The following RAP1GAP variants were observed in gnomAD, a reference collection of about 807,000 sequenced individuals.
RAP1GAP encodes the protein RAP1 GTPase activating protein.
RAP1GAP carries 35 observed loss-of-function variants against 87.2 expected under a neutral mutation model. The observed-to-expected ratio is 0.40, with a 90% CI of 0.31 to 0.53. The LOEUF (loss-of-function observed/expected upper bound fraction) is 0.53. Ranked by LOEUF, RAP1GAP falls within the 20% of genes least tolerant of loss-of-function variation. The pLI is 0.48. For synonymous variants in RAP1GAP, 375 were observed against 363.9 expected (o/e 1.03, Z -0.35); for missense variants, 734 against 898.9 (o/e 0.82, Z 2.35).
rs889053138 is a variant in RAP1GAP, at chr1:21,651,920, G to T, written c.-148-2124C>A. On this transcript the variant is annotated intron_variant, in intron 1 of 24. Coordinates refer to ENST00000374765, the MANE Select transcript of RAP1GAP (RefSeq NM_002885.4). ...ACGCGGCCGCCCCGCCCCCGCCCCCGCCCCAGCTCGGATACGTCCGCGCCC... is the reference window on the plus strand; with the variant it reads ...ACGCGGCCGCCCCGCCCCCGCCCCCTCCCCAGCTCGGATACGTCCGCGCCC... 1.8e-5 allele frequency: 17 copies of T among 948,074 alleles called. No homozygotes were observed. In the African/African-American group the frequency reaches 2.7e-4, roughly 15 times the overall value. The allele number at this position is 948,074 out of a possible 1,614,324, so 58.7% of individuals were successfully genotyped here. A position where few individuals can be genotyped will look rare whatever the true frequency, so the allele number is the denominator to read the frequency against.
At chr1:21,666,857 C>T (rs983102980) in intron 1 of RAP1GAP, among the ~76,000 whole-genome samples, 1 of 152,148 alleles carries the variant, frequency 6.6e-6, no homozygotes, top group African/African-American at 2.4e-5. Context: ...TGGAGGCAGA[C>T]GACAGAAGAC....
chr1:21,646,101 T>C (rs2151724296), intron 2 of RAP1GAP, among the ~76,000 whole-genome samples: 1 of 152,272 alleles, frequency 6.6e-6, no homozygotes, highest in Non-Finnish European at 1.5e-5. Context: ...CAAACAGTCA[T>C]CTGTAAGGCT....
chr1:21,623,231 A>G (rs72876053), intron 3 of RAP1GAP, among the ~76,000 whole-genome samples: 22,872 of 152,178 alleles, frequency 0.15, 1,934 homozygotes, highest in East Asian at 0.35. Flanking sequence ...AGATTTTGGG[A>G]CATGTGGATT....
Position 21,669,114 on chromosome 1 carries a change from G to T in RAP1GAP, c.-149+140C>A. 3 of 946,548 alleles carry T rather than the reference G, an allele frequency of 3.2e-6. No homozygotes were observed. Among genetic ancestry groups the T allele is most frequent in the South Asian group, 1.8e-5 (1 of 56,090 alleles). The allele number at this position is 946,548 out of a possible 1,614,324, so 58.6% of individuals were successfully genotyped here. On this transcript the variant is annotated intron_variant, in intron 1 of 24. Transcript: ENST00000374765. This position sits in a 1 kb window ranked among gnomAD's most constrained non-coding sequence, Gnocchi z 5.6. ...GCTGCGCCCACCCCTCGCCCCTGGA[G>T]ACCCGGGTCCCCCACGCGTTCGCCC... is the stretch of plus-strand genomic sequence containing the variant.
At chr1:21,605,193 A>T (rs1036063209) in intron 18 of RAP1GAP, among the ~76,000 whole-genome samples, 3 of 152,162 alleles carry the variant, frequency 2.0e-5, no homozygotes, top group African/African-American at 7.2e-5. Flanking sequence ...AGCACTCCTG[A>T]GTGTGAGCAG....
At chr1:21,614,702 C>T (rs924600727) in intron 7 of RAP1GAP, among the ~76,000 whole-genome samples, 10 of 152,166 alleles carry the variant, frequency 6.6e-5, no homozygotes, top group South Asian at 4.1e-4. Context: ...GGGGTGGCTG[C>T]GGCAGGGATG....
intron 3 of RAP1GAP, among the ~76,000 whole-genome samples, chr1:21,624,952 C>T (rs2091268225): frequency 6.6e-6 from 1 of 152,180 alleles, no homozygotes; most frequent in Non-Finnish European, 1.5e-5. Flanking sequence ...TCCTGAGATG[C>T]TCAGGGGAAG....
intron 2 of RAP1GAP, among the ~76,000 whole-genome samples, chr1:21,636,920 G>A (rs2094797545): frequency 7.9e-6 from 1 of 127,142 alleles, no homozygotes; most frequent in African/African-American, 3.3e-5. Flanking sequence ...AAGGAAGGGA[G>A]GGAGGGAGGG....
chr1:21,602,826 T>A lies in RAP1GAP; in HGVS notation c.1516A>T (p.Ile506Leu), dbSNP rs1392062838. The A allele has an allele frequency of 1.1e-5, 18 of 1,609,752 alleles. No homozygotes were observed. Among genetic ancestry groups the A allele is most frequent in the Non-Finnish European group, 1.4e-5 (17 of 1,179,608 alleles). Residue 506 changes from isoleucine (I) to leucine (L), a missense_variant, in exon 19 of 25, where the codon ATA (isoleucine) becomes TTA (leucine). Coordinates refer to ENST00000374765, the MANE Select transcript of RAP1GAP (RefSeq NM_002885.4). Reference protein sequence around the residue: ...RRSSAIGIENIQEVQEKRESP... With the variant: ...RRSSAIGIENLQEVQEKRESP... The stretch of plus-strand genomic sequence containing the variant: ...CACCTCTTCTCCTGCACCTCCTGTA[T>A]GTTCTCGATGCCAATGGCGCTGCTG...
Position 21,597,126 on chromosome 1 carries a change from G to A in RAP1GAP, c.*173C>T, listed in dbSNP as rs1393465853. ...CAGGTCTGGACGGCTCTGCCCTGCA[G>A]AGACAGCCCAGATGGGTGGGCCATG... On this transcript the variant is annotated 3_prime_UTR_variant, in exon 25 of 25. Coordinates refer to ENST00000374765, the MANE Select transcript of RAP1GAP (RefSeq NM_002885.4). The A allele has an allele frequency of 6.7e-6, 1 of 150,204 alleles. No homozygotes were observed. 9.3% of individuals were successfully genotyped at this position (150,204 alleles called of 1,614,324 possible).
Position 21,617,946 on chromosome 1 carries a change from C to G in RAP1GAP, c.93G>C (p.Pro31=). Residue 31 remains proline (P), a synonymous_variant, in exon 6 of 25, where the codon CCG becomes CCC. Transcript: ENST00000374765. ...LKTEEDYIPY[P]SVHEVLGREG... ...TCTAGCTGAGTACCTCGTGCACGCT[C>G]GGGTATGGAATGTAGTCCTCCTCTG... 1 of 1,614,116 alleles carries G rather than the reference C, an allele frequency of 6.2e-7. No homozygotes were observed.
rs1402809746 is a variant in RAP1GAP, at chr1:21,615,055, G to A, written c.292-966C>T. Reference sequence around the variant, plus strand: ...CCCAGCTCTGCCTGGGCACAGAGTGGCAGAAACCCCCAAATGCTTGACATC... The same window carrying A: ...CCCAGCTCTGCCTGGGCACAGAGTGACAGAAACCCCCAAATGCTTGACATC... On this transcript the variant is annotated intron_variant, in intron 7 of 24. Transcript: ENST00000374765. This position sits in a 1 kb window ranked among gnomAD's most constrained non-coding sequence, Gnocchi z 4.5. 6.6e-6 allele frequency among the ~76,000 whole-genome samples: 1 copy of A among 152,234 alleles called. No individual in the cohort carries two copies. The highest frequency in any genetic ancestry group is 2.4e-5 in the African/African-American group (1 of 41,464).
chr1:21,660,638 C>T lies in RAP1GAP; in HGVS notation c.-149+8616G>A, dbSNP rs192569907. On this transcript the variant is annotated intron_variant, in intron 1 of 24. Coordinates refer to ENST00000374765, the MANE Select transcript of RAP1GAP (RefSeq NM_002885.4). ...CAAGAGCCACTGCACCCAGCCCCGACTCAGTCTTGAGCTGTGACCGTCAGC... is the reference window on the plus strand; with the variant it reads ...CAAGAGCCACTGCACCCAGCCCCGATTCAGTCTTGAGCTGTGACCGTCAGC... Among the ~76,000 whole-genome samples the T allele has an allele frequency of 2.1e-4, 32 of 152,180 alleles. No individual in the cohort carries two copies. The East Asian group carries it at 4.7e-3, about 22-fold the overall frequency.
chr1:21,663,305 C>A (rs189316501), intron 1 of RAP1GAP, among the ~76,000 whole-genome samples: 1 of 152,334 alleles, frequency 6.6e-6, no homozygotes, highest in Admixed American at 6.5e-5. Context: ...AGGCTAGAGT[C>A]TTCAGTCCCA....
At chr1:21,599,463 G>C in intron 21 of RAP1GAP, 31 bp downstream of exon 21, 1 of 1,595,016 alleles carries the variant, frequency 6.3e-7, no homozygotes, top group Non-Finnish European at 8.5e-7. Context: ...CCAAGCTCCT[G>C]TGGGGCCCCT....
At chr1:21,617,196 A>T in intron 7 of RAP1GAP, 110 bp downstream of exon 7, 1 of 1,259,776 alleles carries the variant, frequency 7.9e-7, no homozygotes, top group Non-Finnish European at 1.1e-6. Context: ...GGGCTCTAGG[A>T]CTGTCACCCA....
At chr1:21,608,682 T>C (rs868845231) in intron 16 of RAP1GAP, among the ~76,000 whole-genome samples, 168 bp downstream of exon 16, 1 of 145,146 alleles carries the variant, frequency 6.9e-6, no homozygotes, top group African/African-American at 2.6e-5. Context: ...TCAGTATCCC[T>C]CCGGCTTCCT....
chr1:21,622,633 G>A lies in RAP1GAP; in HGVS notation c.-18-2583C>T, dbSNP rs1180030678. ...ACGGCGCGGGGCGGGGCGGGGCGGG[G>A]GCGCTGAAGCCACGCCCCCCGGGCG... On this transcript the variant is annotated intron_variant, in intron 3 of 24. Transcript: ENST00000374765. This position sits in a 1 kb window ranked among gnomAD's most constrained non-coding sequence, Gnocchi z 5.7. 7.5e-5 allele frequency: 11 copies of A among 146,964 alleles called. 1 individual carries two copies. The highest frequency in any genetic ancestry group is 1.7e-4 in the Non-Finnish European group (11 of 65,996). 9.1% of individuals were successfully genotyped at this position (146,964 alleles called of 1,614,324 possible). A position where few individuals can be genotyped will look rare whatever the true frequency, so the allele number is the denominator to read the frequency against.
chr1:21,661,300 G>C (rs1274378400), intron 1 of RAP1GAP, among the ~76,000 whole-genome samples: 1 of 151,364 alleles, frequency 6.6e-6, no homozygotes, highest in Non-Finnish European at 1.5e-5. Context: ...GGTGGAGGCA[G>C]AGAGCTTAGC....
Sources: gnomAD v4.1 joint callset for allele counts (sites outside exome capture counted in the v4.1 genomes callset) on GRCh38, gnomAD v4.1.1 for gene constraint, Gnocchi (gnomAD v3.1) non-coding constraint, MANE v1.5 for transcripts, NCBI Gene and HGNC (gene_info 2026-07-23, HGNC 2026-07-21) for gene names.